The following NDE1 variants were observed in gnomAD, a reference collection of about 807,000 sequenced individuals.
NDE1 encodes the protein nuclear distribution protein nudE homolog 1.
NDE1 carries 28 observed loss-of-function variants against 43.4 expected under a neutral mutation model. The observed-to-expected ratio is 0.65, with a 90% CI of 0.48 to 0.89. NDE1 has a LOEUF of 0.89. Ranked by LOEUF, NDE1 falls within the 40% of genes least tolerant of loss-of-function variation. NDE1 has a pLI of 0.00. For missense variants in NDE1, 441 were observed against 434.1 expected (o/e 1.02, Z -0.14); for synonymous variants, 184 against 172.0 (o/e 1.07, Z -0.55).
At chr16:15,663,983 CA>C (rs1041680534) in intron 1 of NDE1, among the ~76,000 whole-genome samples, 3 of 152,126 alleles carry the variant, frequency 2.0e-5, no homozygotes, top group Non-Finnish European at 4.4e-5. Context: ...GCACAAGAAT[CA>C]TTTGAACCCA....
intron 3 of NDE1, among the ~76,000 whole-genome samples, chr16:15,674,167 A>G (rs2037744088): frequency 6.6e-6 from 1 of 152,132 alleles, no homozygotes; most frequent in Non-Finnish European, 1.5e-5. Flanking sequence ...GTAATTAACA[A>G]GATCTCCCTC....
intron 5 of NDE1, 80 bp downstream of exon 5, chr16:15,687,591 C>A: frequency 1.5e-6 from 2 of 1,360,608 alleles, no homozygotes; most frequent in Admixed American, 1.7e-5. Context: ...GCTCTCCCAG[C>A]ATTATCTTTA....
chr16:15,700,871 T>A (rs1214085322), intron 8 of NDE1, among the ~76,000 whole-genome samples: 1 of 152,050 alleles, frequency 6.6e-6, no homozygotes, highest in Non-Finnish European at 1.5e-5. Context: ...CAGAACAAAA[T>A]CTCCCAGTGC....
intron 4 of NDE1, 25 bp from the exon 5 acceptor site, chr16:15,687,350 A>G (rs757910893): frequency 7.0e-5 from 113 of 1,613,890 alleles, no homozygotes; most frequent in Non-Finnish European, 9.2e-5. Context: ...GTCCTCTTGG[A>G]TAACTCTGCT....
At chr16:15,693,336 T>C (rs967153434) in intron 6 of NDE1, among the ~76,000 whole-genome samples, 1 of 152,184 alleles carries the variant, frequency 6.6e-6, no homozygotes, top group African/African-American at 2.4e-5. Context: ...AGTTCTCATG[T>C]GCTGCTGGTG....
intron 3 of NDE1, among the ~76,000 whole-genome samples, chr16:15,669,000 C>T (rs1342723000): frequency 6.8e-6 from 1 of 146,746 alleles, no homozygotes; most frequent in African/African-American, 2.5e-5. Context: ...CCCAGGTTCA[C>T]ACCATTCTCC....
At chr16:15,710,220 G>T (rs1413428684) in intron 8 of NDE1, among the ~76,000 whole-genome samples, 1 of 152,138 alleles carries the variant, frequency 6.6e-6, no homozygotes, top group East Asian at 1.9e-4. Context: ...TGTCCAGTGT[G>T]TGCTAAAGAA....
At chr16:15,657,004 G>T (rs2036801385) in intron 1 of NDE1, among the ~76,000 whole-genome samples, 2 of 152,022 alleles carry the variant, frequency 1.3e-5, no homozygotes, top group African/African-American at 4.8e-5. Context: ...TGCTTTTGTT[G>T]TTACTGGTTC....
At chr16:15,714,832 G>A in intron 8 of NDE1, 1 of 1,570,070 alleles carries the variant, frequency 6.4e-7, no homozygotes, top group South Asian at 1.1e-5. Flanking sequence ...GGCATTTGCA[G>A]GCCGAAAGGA....
chr16:15,714,582 G>T (rs143099185), intron 8 of NDE1: 1 of 479,150 alleles, frequency 2.1e-6, no homozygotes, highest in Non-Finnish European at 3.8e-6. Flanking sequence ...AATGGATGTC[G>T]TGAAGACTCA....
Position 15,725,285 on chromosome 16 carries a change from C to T in NDE1, c.*1034C>T. The T allele has an allele frequency of 1.7e-6, 1 of 580,556 alleles. No homozygotes were observed. Among genetic ancestry groups the T allele is most frequent in the Non-Finnish European group, 3.0e-6 (1 of 328,086 alleles). The allele number at this position is 580,556 out of a possible 1,614,324, so 36.0% of individuals were successfully genotyped here. A position where few individuals can be genotyped will look rare whatever the true frequency, so the allele number is the denominator to read the frequency against. On this transcript the variant is annotated 3_prime_UTR_variant, in exon 9 of 9. Transcript: ENST00000396354. The stretch of plus-strand genomic sequence containing the variant: ...AATGGTATTGACTGGGACCTGATCC[C>T]ACTAAATGGATCCTAGATCCCTGCC...
intron 8 of NDE1, chr16:15,720,701 C>T: frequency 1.0e-6 from 1 of 988,042 alleles, no homozygotes. Context: ...CCACTGCACT[C>T]CAGCCTGGGC....
chr16:15,658,777 C>T (rs2036896952), intron 1 of NDE1, among the ~76,000 whole-genome samples: 1 of 152,136 alleles, frequency 6.6e-6, no homozygotes, highest in African/African-American at 2.4e-5. Flanking sequence ...ATGCCTTAGC[C>T]TCCCGAGTAG....
At chr16:15,705,362 CTCT>C (rs1417764351) in intron 8 of NDE1, among the ~76,000 whole-genome samples, 1 of 152,176 alleles carries the variant, frequency 6.6e-6, no homozygotes, top group Non-Finnish European at 1.5e-5. Context: ...CGCTGGTTCT[CTCT>C]TGAGTTTATC....
At chr16:15,721,036 T>TCTCCAGCTCATGGACCTGCCGGCAGA (rs753160513) in intron 8 of NDE1, 1 of 1,613,940 alleles carries the variant, frequency 6.2e-7, no homozygotes, top group Non-Finnish European at 8.5e-7. Flanking sequence ...CGCTTGGACT[T>TCTCCAGCTCATGGACCTGCCGGCAGA]CTCCAGCTCA....
chr16:15,724,610 A>AG lies in NDE1; in HGVS notation c.*361dup. The AG allele has an allele frequency of 6.2e-7, 1 of 1,613,126 alleles. No individual in the cohort carries two copies. Among genetic ancestry groups the AG allele is most frequent in the Non-Finnish European group, 8.5e-7 (1 of 1,180,002 alleles). The stretch of plus-strand genomic sequence containing the variant: ...GGGATCTCAGCGCAGAGAAGTTGAG[A>AG]GGACCCATGAAGGAAGCAAGGACAC... On this transcript the variant is annotated 3_prime_UTR_variant, in exon 9 of 9. Coordinates refer to ENST00000396354, the MANE Select transcript of NDE1 (RefSeq NM_017668.3).
chr16:15,716,522 T>TTG (rs959063999), intron 8 of NDE1, among the ~76,000 whole-genome samples: 40 of 151,962 alleles, frequency 2.6e-4, no homozygotes, highest in Non-Finnish European at 4.9e-4. Flanking sequence ...GGGGTTTTTT[T>TTG]TGTGTGTGTG....
chr16:15,717,957 C>G (rs1457971251), intron 8 of NDE1: 1 of 383,178 alleles, frequency 2.6e-6, no homozygotes, highest in African/African-American at 2.1e-5. Context: ...CACCATGGAA[C>G]TAGTGCTCAG....
chr16:15,712,238 T>G (rs1472627032), intron 8 of NDE1, among the ~76,000 whole-genome samples: 6 of 152,060 alleles, frequency 3.9e-5, no homozygotes, highest in Non-Finnish European at 2.9e-5. Context: ...GGGAGGGTGG[T>G]CTGAGGTTCT....
Sources: gnomAD v4.1 joint callset for allele counts (sites outside exome capture counted in the v4.1 genomes callset) on GRCh38, gnomAD v4.1.1 for gene constraint, MANE v1.5 for transcripts, NCBI Gene and HGNC (gene_info 2026-07-23, HGNC 2026-07-21) for gene names.